PTPRK: variants seen among roughly 807,000 people sequenced by gnomAD.
The protein encoded by PTPRK is receptor-type tyrosine-protein phosphatase kappa.
Under a neutral mutation model 178.0 loss-of-function variants are expected in PTPRK, and 75 were observed. The ratio of observed to expected loss-of-function variants is 0.42; its 90% CI spans 0.35 to 0.51. The LOEUF is 0.51. PTPRK is among the 20% of genes least tolerant of loss of function. PTPRK has a pLI of 0.02. For missense variants in PTPRK, 1,441 were observed against 1,797.8 expected (o/e 0.80, Z 3.59); for synonymous variants, 637 against 620.6 (o/e 1.03, Z -0.39).
intron 1 of PTPRK, chr6:128,500,448 A>G (rs2128436894): frequency 6.6e-6 from 1 of 152,270 alleles, no homozygotes; most frequent in East Asian, 1.9e-4. Flanking sequence ...CAGCATAATT[A>G]CATTTTTGAT....
chr6:128,320,196 T>C (rs531635683), intron 3 of PTPRK, among the ~76,000 whole-genome samples: 1 of 152,278 alleles, frequency 6.6e-6, no homozygotes, highest in South Asian at 2.1e-4. Flanking sequence ...GGTTTTGTCA[T>C]GCAAAATGAG....
chr6:128,109,257 T>G (rs113301958), intron 7 of PTPRK, among the ~76,000 whole-genome samples: 1 of 152,090 alleles, frequency 6.6e-6, no homozygotes, highest in African/African-American at 2.4e-5. Context: ...AAATGTAAAA[T>G]TAATTATGAT....
At chr6:128,489,792 G>T (rs2128428454) in intron 1 of PTPRK, among the ~76,000 whole-genome samples, 1 of 152,212 alleles carries the variant, frequency 6.6e-6, no homozygotes, top group Middle Eastern at 3.4e-3. Context: ...AATGTTTAAT[G>T]AGCTCAGAAA....
intron 3 of PTPRK, among the ~76,000 whole-genome samples, chr6:128,257,818 A>C (rs1817579030): frequency 6.6e-6 from 1 of 152,164 alleles, no homozygotes; most frequent in Non-Finnish European, 1.5e-5. Flanking sequence ...ATTTAAGCTA[A>C]ATTCAGTTTT....
intron 7 of PTPRK, among the ~76,000 whole-genome samples, chr6:128,125,202 C>T (rs1793139592): frequency 3.3e-5 from 5 of 152,110 alleles, no homozygotes; most frequent in Admixed American, 3.3e-4. Context: ...GTGTCCCCAC[C>T]CAAATCTCAT....
At chr6:127,985,972 A>G (rs755811785) in intron 21 of PTPRK, 97 bp from the exon 22 acceptor site, 19 of 1,222,958 alleles carry the variant, frequency 1.6e-5, no homozygotes, top group Non-Finnish European at 2.1e-5. Flanking sequence ...ACTGACAATG[A>G]TAACAATAAA....
intron 2 of PTPRK, among the ~76,000 whole-genome samples, chr6:128,369,357 A>C (rs1439234956): frequency 6.6e-6 from 1 of 152,170 alleles, no homozygotes; most frequent in Non-Finnish European, 1.5e-5. Context: ...GTAAAACCTC[A>C]GATATAAGAA....
chr6:128,003,827 A>G (rs1469237980), intron 15 of PTPRK, among the ~76,000 whole-genome samples: 6 of 151,878 alleles, frequency 4.0e-5, no homozygotes, highest in Non-Finnish European at 7.4e-5. Context: ...ATTTTTCTCT[A>G]TCATTTATCT....
At chr6:128,252,451 A>G (rs570055874) in intron 3 of PTPRK, among the ~76,000 whole-genome samples, 1 of 152,344 alleles carries the variant, frequency 6.6e-6, no homozygotes, top group Admixed American at 6.5e-5. Context: ...TCAAAAACAC[A>G]TGACTTCTTA....
intron 7 of PTPRK, among the ~76,000 whole-genome samples, chr6:128,156,599 A>G (rs1440108516): frequency 6.6e-6 from 1 of 151,736 alleles, no homozygotes; most frequent in Non-Finnish European, 1.5e-5. Context: ...GATTCAATCA[A>G]CTCCCACCAG....
At chr6:128,272,896 A>T (rs1196861590) in intron 3 of PTPRK, among the ~76,000 whole-genome samples, 3 of 152,226 alleles carry the variant, frequency 2.0e-5, no homozygotes, top group African/African-American at 7.2e-5. Flanking sequence ...GCTGCTATAA[A>T]GACACACGGA....
At chr6:128,463,026 C>A (rs941379749) in intron 1 of PTPRK, among the ~76,000 whole-genome samples, 4 of 151,996 alleles carry the variant, frequency 2.6e-5, no homozygotes, top group African/African-American at 9.7e-5. Flanking sequence ...CACCTAGAAC[C>A]CCTATCACAC....
At chr6:128,016,422 T>C (rs376154398) in intron 13 of PTPRK, among the ~76,000 whole-genome samples, 6 of 151,900 alleles carry the variant, frequency 3.9e-5, no homozygotes, top group East Asian at 1.9e-4. Context: ...CTTTTTATTT[T>C]CCCCCCTAGC....
chr6:128,491,829 T>C, intron 1 of PTPRK: 1 of 516,350 alleles, frequency 1.9e-6, no homozygotes, highest in South Asian at 1.4e-5. Context: ...CAGCAAAAGT[T>C]ACCGACCACA....
intron 8 of PTPRK, among the ~76,000 whole-genome samples, chr6:128,087,433 A>C (rs1217162969): frequency 1.3e-5 from 2 of 152,184 alleles, no homozygotes; most frequent in East Asian, 3.8e-4. Flanking sequence ...ATCCCATTTT[A>C]AAAGAAAAGA....
At position 127,995,391 on chromosome 6, in the gene PTPRK, T is replaced by A. The variant is rs1777036488; in HGVS notation, c.2844+71A>T. On this transcript the variant is annotated intron_variant, in intron 18 of 29. Transcript: ENST00000368226. ...TTTTAAAAAGCTAGCAATCACTTTA[T>A]AGGTAATAAGCAAAAAGGTTCATAT... 2.0e-6 allele frequency: 3 copies of A among 1,490,820 alleles called. No homozygotes were observed. The South Asian group carries it at 3.4e-5, about 17-fold the overall frequency. 92.3% of individuals were successfully genotyped at this position (1,490,820 alleles called of 1,614,324 possible). A position where few individuals can be genotyped will look rare whatever the true frequency, so the allele number is the denominator to read the frequency against.
intron 2 of PTPRK, among the ~76,000 whole-genome samples, chr6:128,357,592 C>T (rs148430373): frequency 6.6e-6 from 1 of 152,198 alleles, no homozygotes; most frequent in Admixed American, 6.5e-5. Flanking sequence ...TCACTGTACA[C>T]GCTGTTCCCA....
At chr6:128,259,594 T>C (rs1375999121) in intron 3 of PTPRK, among the ~76,000 whole-genome samples, 1 of 152,180 alleles carries the variant, frequency 6.6e-6, no homozygotes, top group East Asian at 1.9e-4. Context: ...TTTCTGTGTA[T>C]TTCTTCAATG....
intron 2 of PTPRK, among the ~76,000 whole-genome samples, chr6:128,362,774 A>C (rs1303962636): frequency 2.0e-5 from 3 of 152,210 alleles, no homozygotes; most frequent in Non-Finnish European, 2.9e-5. Context: ...GAATGGAGGC[A>C]TAGATCACCT....
Sources: gnomAD v4.1 joint callset for allele counts (sites outside exome capture counted in the v4.1 genomes callset) on GRCh38, gnomAD v4.1.1 for gene constraint, MANE v1.5 for transcripts, NCBI Gene and HGNC (gene_info 2026-07-23, HGNC 2026-07-21) for gene names.